The following BRD9 variants were observed in gnomAD, a reference collection of about 807,000 sequenced individuals.
BRD9 encodes bromodomain containing 9, also known as bromodomain-containing protein 9.
BRD9 carries 47 observed loss-of-function variants against 68.7 expected under a neutral mutation model. The ratio of observed to expected loss-of-function variants is 0.68; its 90% CI spans 0.54 to 0.87. The LOEUF (loss-of-function observed/expected upper bound fraction) is 0.87, where lower values mean the gene tolerates loss of function less well. Ranked by LOEUF, BRD9 falls within the 40% of genes least tolerant of loss-of-function variation. The pLI, the probability that BRD9 is intolerant of heterozygous loss-of-function variation, is 0.00. For synonymous variants in BRD9, 313 were observed against 293.9 expected (o/e 1.06, Z -0.67); for missense variants, 670 against 748.4 (o/e 0.90, Z 1.22).
At position 871,018 on chromosome 5, in the gene BRD9, G is replaced by C. The variant is rs147244319; in HGVS notation, c.1423-443C>G. On this transcript the variant is annotated intron_variant, in intron 13 of 15. Transcript: ENST00000467963. Reference sequence around the variant, plus strand: ...ACACATACTCTCTCATCAGCTCCCTGCAGCTCGGCCTCTGCCCTCAAACAG... The same window carrying C: ...ACACATACTCTCTCATCAGCTCCCTCCAGCTCGGCCTCTGCCCTCAAACAG... 5.3e-5 allele frequency among the ~76,000 whole-genome samples: 8 copies of C among 152,326 alleles called. No homozygotes were observed. In the East Asian group the frequency reaches 1.5e-3, roughly 29 times the overall value.
intron 1 of BRD9, chr5:892,390 AGAACCCTC>A: frequency 8.6e-7 from 1 of 1,156,092 alleles, no homozygotes; most frequent in Non-Finnish European, 1.2e-6. Context: ...CCTCGAACCC[AGAACCCTC>A]TACCAGGAAC....
intron 8 of BRD9, 52 bp downstream of exon 8, chr5:883,886 C>A: frequency 6.3e-7 from 1 of 1,586,876 alleles, no homozygotes; most frequent in Non-Finnish European, 8.6e-7. Flanking sequence ...GAGAGGCACA[C>A]AGAGAGTCTG....
At chr5:870,657 A>C in intron 13 of BRD9, 82 bp from the exon 14 acceptor site, 1 of 995,300 alleles carries the variant, frequency 1.0e-6, no homozygotes, top group South Asian at 1.4e-5. Context: ...TATTGAAATC[A>C]CTCTAATTAT....
chr5:883,016 A>T (rs1752020106), intron 8 of BRD9: 1 of 325,098 alleles, frequency 3.1e-6, no homozygotes, highest in African/African-American at 2.2e-5. Context: ...ACAGACTGCA[A>T]CCTCCCAACA....
chr5:886,265 C>T (rs763690966), intron 7 of BRD9, among the ~76,000 whole-genome samples: 1 of 152,240 alleles, frequency 6.6e-6, no homozygotes, highest in Non-Finnish European at 1.5e-5. Flanking sequence ...AAGGGCACAG[C>T]CTTGGCTGCC....
In BRD9 at chr5:881,113, C is replaced by T. The variant is rs1458386361; in HGVS notation, c.1036G>A (p.Ala346Thr). ...YSVVNTAEPD[A>T]DEEETHPVDL... ...GCCCTGAGCGGGCACCCACCATCAG[C>T]GTCCGGCTCGGCCGTGTTGACCACG... is the stretch of plus-strand genomic sequence containing the variant. The change falls in exon 9 of 16, where the codon GCT becomes ACT. Residue 346 changes from alanine (A) to threonine (T), a missense_variant. This residue lies in a region of BRD9 where 135 missense variants were observed against 141.2 expected (regional missense o/e 0.96). Coordinates refer to ENST00000467963, the MANE Select transcript of BRD9 (RefSeq NM_023924.5). 5 of 1,613,922 alleles carry T rather than the reference C, an allele frequency of 3.1e-6. No individual in the cohort carries two copies. The highest frequency in any genetic ancestry group is 1.6e-4 in the Middle Eastern group (1 of 6,084).
intron 7 of BRD9, 88 bp downstream of exon 7, chr5:886,500 TCTCA>T (rs995006799): frequency 4.5e-5 from 54 of 1,198,090 alleles, no homozygotes; most frequent in Non-Finnish European, 5.6e-5. Flanking sequence ...ACATCCGTTC[TCTCA>T]CTCACTCACT....
At chr5:889,862 T>G in intron 3 of BRD9, 55 of 974,428 alleles carry the variant, frequency 5.6e-5, no homozygotes, top group Middle Eastern at 2.4e-4. Context: ...TAAAAATCTC[T>G]TGTAATAACC....
chr5:868,456 G>A (rs1749670605), intron 14 of BRD9, among the ~76,000 whole-genome samples: 1 of 152,258 alleles, frequency 6.6e-6, no homozygotes, highest in African/African-American at 2.4e-5. Flanking sequence ...ACAGCGGCCT[G>A]GGGCCAGGGT....
At chr5:874,670 T>C (rs1750642841) in intron 12 of BRD9, among the ~76,000 whole-genome samples, 1 of 152,144 alleles carries the variant, frequency 6.6e-6, no homozygotes, top group Non-Finnish European at 1.5e-5. Flanking sequence ...GGCTCAAGGA[T>C]GTAAGGAAAA....
chr5:891,248 T>C lies in BRD9; in HGVS notation c.307A>G (p.Thr103Ala). 1.9e-6 allele frequency: 3 copies of C among 1,551,806 alleles called. No homozygotes were observed. The highest frequency in any genetic ancestry group is 1.7e-6 in the Non-Finnish European group (2 of 1,147,014). ...KRKREREHCD[T>A]EGEADDFDPG... Reference sequence around the variant, plus strand: ...TCAAAGTCGTCAGCCTCTCCCTCCGTGTCACAGTGCTCCCTCTCTCGCTTC... The same window carrying C: ...TCAAAGTCGTCAGCCTCTCCCTCCGCGTCACAGTGCTCCCTCTCTCGCTTC... Residue 103 changes from threonine (T) to alanine (A), a missense_variant, in exon 3 of 16, where the codon ACG (threonine) becomes GCG (alanine). This residue lies in a region of BRD9 where 161 missense variants were observed against 148.1 expected (regional missense o/e 1.09). Transcript: ENST00000467963.
At chr5:874,654 G>A (rs756676554) in intron 12 of BRD9, among the ~76,000 whole-genome samples, 8 of 152,242 alleles carry the variant, frequency 5.3e-5, no homozygotes, top group South Asian at 4.1e-4. Flanking sequence ...CAATAAATAC[G>A]AACGTGGCTC....
At chr5:888,981 A>C in intron 5 of BRD9, 40 bp downstream of exon 5, 2 of 1,591,380 alleles carry the variant, frequency 1.3e-6, no homozygotes, top group Non-Finnish European at 1.7e-6. Context: ...GAATACACAG[A>C]ACTATGCCAC....
At chr5:874,437 A>T (rs1750608251) in intron 12 of BRD9, among the ~76,000 whole-genome samples, 2 of 152,224 alleles carry the variant, frequency 1.3e-5, no homozygotes, top group South Asian at 4.1e-4. Flanking sequence ...TAGCTCACAC[A>T]TCACATCTAA....
chr5:869,166 C>T lies in BRD9; in HGVS notation c.1525+1307G>A, dbSNP rs1409729921. ...CTAAGCCCCATGGACTGAACGGATT[C>T]CCACTCTTGGCCAAGGGCACTCCAA... is the stretch of plus-strand genomic sequence containing the variant. On this transcript the variant is annotated intron_variant, in intron 14 of 15. Coordinates refer to ENST00000467963, the MANE Select transcript of BRD9 (RefSeq NM_023924.5). The T allele has an allele frequency of 3.9e-5, 14 of 361,564 alleles. No individual in the cohort carries two copies. The East Asian group carries it at 8.7e-4, about 22-fold the overall frequency. 22.4% of individuals were successfully genotyped at this position (361,564 alleles called of 1,614,324 possible). A position where few individuals can be genotyped will look rare whatever the true frequency, so the allele number is the denominator to read the frequency against.
intron 12 of BRD9, among the ~76,000 whole-genome samples, chr5:872,894 A>G (rs926785354): frequency 6.6e-5 from 10 of 152,318 alleles, no homozygotes; most frequent in African/African-American, 7.2e-5. Flanking sequence ...TGTTCCCTGT[A>G]GAAAGAAAAG....
rs369415502 is a variant in BRD9 at position 881,096 on chromosome 5, C to G, written c.1042+11G>C. 3 of 1,613,394 alleles carry G rather than the reference C, an allele frequency of 1.9e-6. No homozygotes were observed. The highest frequency in any genetic ancestry group is 1.1e-5 in the South Asian group (1 of 91,072). ...CGGAGAGCATAAAGCCAGCCCTGAG[C>G]GGGCACCCACCATCAGCGTCCGGCT... On this transcript the variant is annotated intron_variant, in intron 9 of 15. Coordinates refer to ENST00000467963, the MANE Select transcript of BRD9 (RefSeq NM_023924.5).
At chr5:871,853 G>A (rs1007058421) in intron 12 of BRD9, among the ~76,000 whole-genome samples, 1 of 152,242 alleles carries the variant, frequency 6.6e-6, no homozygotes, top group Non-Finnish European at 1.5e-5. Flanking sequence ...ATGCTGTTTC[G>A]GCAGCCTTGG....
At chr5:880,548 T>A (rs1209734588) in intron 9 of BRD9, among the ~76,000 whole-genome samples, 2 of 152,138 alleles carry the variant, frequency 1.3e-5, no homozygotes, top group African/African-American at 4.8e-5. Context: ...CGTGCCAGGC[T>A]GCACGTTCCT....
Sources: gnomAD v4.1 joint callset for allele counts (sites outside exome capture counted in the v4.1 genomes callset) on GRCh38, gnomAD v4.1.1 for gene constraint, gnomAD v4.1.1 regional missense constraint, MANE v1.5 for transcripts, NCBI Gene and HGNC (gene_info 2026-07-23, HGNC 2026-07-21) for gene names.